Variants in SEC24D observed in about 807,000 individuals in gnomAD.
SEC24D encodes the protein SEC24 homolog D, COPII component, also known as protein transport protein Sec24D.
A neutral mutation model predicts 116.9 loss-of-function variants in SEC24D; 69 were observed. The observed-to-expected ratio is 0.59, with a 90% CI of 0.49 to 0.72. The LOEUF is 0.72. Among genes scored for constraint, SEC24D ranks in the 30% least tolerant of loss-of-function variants. The pLI is 0.00. For synonymous variants in SEC24D, 405 were observed against 442.8 expected (o/e 0.91, Z 1.07); for missense variants, 1,131 against 1,264.1 (o/e 0.89, Z 1.60).
chr4:118,735,000 C>T (rs187921993), intron 19 of SEC24D, among the ~76,000 whole-genome samples: 42 of 152,250 alleles, frequency 2.8e-4, no homozygotes, highest in African/African-American at 9.6e-4. Context: ...TTCTTAGATT[C>T]CTGTATAAAG....
chr4:118,788,531 T>TATA (rs1385029576), intron 8 of SEC24D, among the ~76,000 whole-genome samples: 1 of 152,244 alleles, frequency 6.6e-6, no homozygotes, highest in Non-Finnish European at 1.5e-5. Flanking sequence ...CTGTCCTTTA[T>TATA]AGTGAAAGAG....
chr4:118,813,141 GA>G (rs1216502544), intron 6 of SEC24D, among the ~76,000 whole-genome samples: 1 of 152,188 alleles, frequency 6.6e-6, no homozygotes, highest in Non-Finnish European at 1.5e-5. Flanking sequence ...GTATAAGAAA[GA>G]GGCAGAGGAA....
intron 8 of SEC24D, chr4:118,769,756 C>T (rs983325944): frequency 6.6e-6 from 1 of 152,212 alleles, no homozygotes; most frequent in Non-Finnish European, 1.5e-5. Context: ...CTCTTCCCCG[C>T]ATCTTGCCTC....
chr4:118,780,906 G>GATT (rs1728368824), intron 8 of SEC24D, among the ~76,000 whole-genome samples: 13 of 106,110 alleles, frequency 1.2e-4, no homozygotes, highest in African/African-American at 3.1e-4. Context: ...TGCAACCCCT[G>GATT]CTTTTTTTTT....
At chr4:118,767,995 T>C (rs535394743) in intron 9 of SEC24D, among the ~76,000 whole-genome samples, 178 bp downstream of exon 9, 22 of 152,318 alleles carry the variant, frequency 1.4e-4, no homozygotes, top group African/African-American at 5.3e-4. Flanking sequence ...TACCTAAGGT[T>C]AAAAGGGGCT....
chr4:118,806,357 T>TG (rs1729679991), intron 6 of SEC24D, among the ~76,000 whole-genome samples: 1 of 151,948 alleles, frequency 6.6e-6, no homozygotes, highest in Admixed American at 6.6e-5. Context: ...TTTTTTGAGA[T>TG]GGGGGTCTCA....
At chr4:118,732,317 T>C (rs1725735757) in intron 20 of SEC24D, among the ~76,000 whole-genome samples, 1 of 151,946 alleles carries the variant, frequency 6.6e-6, no homozygotes, top group Non-Finnish European at 1.5e-5. Flanking sequence ...TTTTGTATTT[T>C]TTAGTAGAGA....
chr4:118,825,377 G>A (rs112097820), intron 2 of SEC24D: 15,775 of 344,802 alleles, frequency 0.046, 535 homozygotes, highest in Non-Finnish European at 0.065. Flanking sequence ...ACCACATGCA[G>A]TTAACGGATG....
intron 7 of SEC24D, among the ~76,000 whole-genome samples, chr4:118,801,019 T>C (rs112954910): frequency 2.1e-3 from 321 of 152,144 alleles, no homozygotes; most frequent in African/African-American, 7.3e-3. Context: ...CCCAGCACTT[T>C]GGAAGGCCGA....
chr4:118,766,135 A>G (rs1578412224), intron 9 of SEC24D, among the ~76,000 whole-genome samples: 1 of 152,366 alleles, frequency 6.6e-6, no homozygotes, highest in South Asian at 2.1e-4. Context: ...ATCTACACAC[A>G]GAAATGTAAT....
chr4:118,787,894 T>G (rs1728723203), intron 8 of SEC24D, among the ~76,000 whole-genome samples: 1 of 152,142 alleles, frequency 6.6e-6, no homozygotes, highest in South Asian at 2.1e-4. Flanking sequence ...CTCACTGCAG[T>G]CTCACACTCC....
intron 22 of SEC24D, 34 bp downstream of exon 22, chr4:118,728,527 T>C (rs751629758): frequency 7.3e-7 from 1 of 1,369,026 alleles, no homozygotes; most frequent in Non-Finnish European, 1.0e-6. Flanking sequence ...TTTTTAACAT[T>C]TGAATAAAGG....
chr4:118,779,920 T>C (rs892988859), intron 8 of SEC24D, among the ~76,000 whole-genome samples: 2 of 152,202 alleles, frequency 1.3e-5, no homozygotes, highest in East Asian at 1.9e-4. Context: ...CTGATGGTAG[T>C]TTGTATTTCT....
intron 13 of SEC24D, among the ~76,000 whole-genome samples, chr4:118,748,932 T>C (rs771656072): frequency 4.0e-4 from 61 of 152,228 alleles, no homozygotes; most frequent in Middle Eastern, 3.4e-3. Flanking sequence ...TAGGTACGTA[T>C]TATGGATAAT....
intron 6 of SEC24D, among the ~76,000 whole-genome samples, chr4:118,810,731 C>T (rs1352406305): frequency 6.6e-6 from 1 of 151,898 alleles, no homozygotes; most frequent in Non-Finnish European, 1.5e-5. Context: ...TGCTGTCCTG[C>T]GAGCACATTT....
intron 2 of SEC24D, among the ~76,000 whole-genome samples, chr4:118,830,709 T>C (rs1245583795): frequency 2.0e-5 from 3 of 151,994 alleles, no homozygotes; most frequent in Admixed American, 2.0e-4. Flanking sequence ...TATAGGAACA[T>C]CTATTATAAC....
chr4:118,780,431 TGAG>T (rs1728346835), intron 8 of SEC24D, among the ~76,000 whole-genome samples: 1 of 152,248 alleles, frequency 6.6e-6, no homozygotes, highest in African/African-American at 2.4e-5. Context: ...TTCTTAATCC[TGAG>T]TTCTAATTTG....
At chr4:118,813,839 T>G (rs889241120) in intron 6 of SEC24D, among the ~76,000 whole-genome samples, 7 of 152,188 alleles carry the variant, frequency 4.6e-5, no homozygotes, top group Admixed American at 6.5e-5. Flanking sequence ...CACAGGAAAC[T>G]AATACATTAT....
At chr4:118,757,653 T>A (rs1269105801) in intron 11 of SEC24D, 68 bp downstream of exon 11, 6 of 1,478,972 alleles carry the variant, frequency 4.1e-6, no homozygotes, top group Non-Finnish European at 5.5e-6. Context: ...ATTCAGCACT[T>A]ATCTTCTGGC....
Sources: gnomAD v4.1 joint callset for allele counts (sites outside exome capture counted in the v4.1 genomes callset) on GRCh38, gnomAD v4.1.1 for gene constraint, MANE v1.5 for transcripts, NCBI Gene and HGNC (gene_info 2026-07-23, HGNC 2026-07-21) for gene names.